PPP2R5C: variants seen among roughly 807,000 people sequenced by gnomAD.
PPP2R5C encodes the protein protein phosphatase 2 regulatory subunit B'gamma.
Under a neutral mutation model 68.9 loss-of-function variants are expected in PPP2R5C, and 7 were observed. That is an observed-to-expected ratio of 0.10 (90% confidence interval 0.06 to 0.19). PPP2R5C has a LOEUF of 0.19. PPP2R5C is among the 10% of genes least tolerant of loss of function. PPP2R5C has a pLI of 1.00. For synonymous variants in PPP2R5C, 210 were observed against 222.2 expected (o/e 0.95, Z 0.49); for missense variants, 348 against 641.3 (o/e 0.54, Z 4.94).
intron 10 of PPP2R5C, among the ~76,000 whole-genome samples, chr14:101,907,529 T>A (rs887341259): frequency 1.3e-5 from 2 of 152,156 alleles, no homozygotes; most frequent in African/African-American, 4.8e-5. Flanking sequence ...ACGACTGAGT[T>A]TTTCTTTCCC....
chr14:101,925,350 T>A, exon 14 of PPP2R5C: 1 of 1,560,236 alleles, frequency 6.4e-7, no homozygotes, highest in Admixed American at 2.0e-5. Flanking sequence ...TCCTGTGCCA[T>A]ACCAATCAGT....
intron 2 of PPP2R5C, among the ~76,000 whole-genome samples, chr14:101,862,126 G>C (rs1399551168): frequency 6.6e-6 from 1 of 152,082 alleles, no homozygotes; most frequent in African/African-American, 2.4e-5. Flanking sequence ...CTATTGGCCA[G>C]GCTGGTCTCG....
At chr14:101,760,691 G>T (rs946133759), upstream of PPP2R5C, 1 of 963,844 alleles carries the variant, frequency 1.0e-6, no homozygotes, top group Non-Finnish European at 1.2e-6. Flanking sequence ...TCGGATGGGC[G>T]GGACCTCGCG....
At chr14:101,786,269 T>C (rs2038084011) in intron 3 of PPP2R5C, 86 bp downstream of exon 3, 2 of 1,271,330 alleles carry the variant, frequency 1.6e-6, no homozygotes, top group Non-Finnish European at 2.1e-6. Flanking sequence ...TTTATTCCTT[T>C]GCTGTGTTTG....
intron 2 of PPP2R5C, among the ~76,000 whole-genome samples, chr14:101,864,970 G>A (rs1164536777): frequency 1.3e-5 from 2 of 152,172 alleles, no homozygotes; most frequent in African/African-American, 2.4e-5. Context: ...TGAGCCAAGC[G>A]GCTTTGATGG....
chr14:101,898,779 A>C (rs74675353), intron 8 of PPP2R5C, among the ~76,000 whole-genome samples: 2 of 152,230 alleles, frequency 1.3e-5, no homozygotes, highest in Non-Finnish European at 2.9e-5. Flanking sequence ...AATTTCCTAC[A>C]TGTTAAGAAC....
upstream of PPP2R5C, among the ~76,000 whole-genome samples, chr14:101,808,966 A>G (rs1246710972): frequency 1.3e-5 from 2 of 152,226 alleles, no homozygotes; most frequent in Non-Finnish European, 2.9e-5. Flanking sequence ...AGCTTTTTAC[A>G]TTAACTGTAT....
At chr14:101,823,982 T>C (rs2040244249) in intron 1 of PPP2R5C, 1 of 1,289,104 alleles carries the variant, frequency 7.8e-7, no homozygotes, top group African/African-American at 1.5e-5. Context: ...TGGATGAAAT[T>C]AACTTATCTG....
chr14:101,783,586 C>T (rs778008174), intron 2 of PPP2R5C, among the ~76,000 whole-genome samples: 12 of 151,978 alleles, frequency 7.9e-5, no homozygotes, highest in Admixed American at 2.6e-4. Context: ...GAACTGTGCC[C>T]GAGGGCTGAC....
At chr14:101,829,884 C>G (rs528095063) in intron 1 of PPP2R5C, among the ~76,000 whole-genome samples, 1 of 151,720 alleles carries the variant, frequency 6.6e-6, no homozygotes, top group African/African-American at 2.4e-5. Flanking sequence ...TTTCTTTTTT[C>G]GCAGTATTGA....
At chr14:101,903,947 T>C (rs949242899) in intron 9 of PPP2R5C, among the ~76,000 whole-genome samples, 1 of 152,154 alleles carries the variant, frequency 6.6e-6, no homozygotes, top group African/African-American at 2.4e-5. Flanking sequence ...GTGCTGAGAT[T>C]ACAGGCATAA....
In PPP2R5C at chr14:101,917,861, A is replaced by T; in HGVS notation, c.1357A>T (p.Ser453Cys). 1 of 1,613,754 alleles carries T rather than the reference A, an allele frequency of 6.2e-7. No homozygotes were observed. Among genetic ancestry groups the T allele is most frequent in the Non-Finnish European group, 8.5e-7 (1 of 1,179,748 alleles). The change falls in exon 13 of 14, where the codon AGC becomes TGC. Residue 453 changes from serine to cysteine, a missense_variant. Transcript: ENST00000334743. This position sits in a 1 kb window ranked among gnomAD's most constrained non-coding sequence, Gnocchi z 4.4. ...AGTGTATAGTCAAGCCAGCACCATGAGCATTCCGGTTGCAATGGAGACAGA... is the reference window on the plus strand; with the variant it reads ...AGTGTATAGTCAAGCCAGCACCATGTGCATTCCGGTTGCAATGGAGACAGA...
At chr14:101,774,149 C>G (rs1235909942) in intron 2 of PPP2R5C, among the ~76,000 whole-genome samples, 1 of 152,194 alleles carries the variant, frequency 6.6e-6, no homozygotes, top group Non-Finnish European at 1.5e-5. Context: ...TGAAGGGTTT[C>G]TTTGTTCACA....
At chr14:101,793,680 C>T (rs1345984108) in intron 3 of PPP2R5C, among the ~76,000 whole-genome samples, 7 of 152,208 alleles carry the variant, frequency 4.6e-5, no homozygotes, top group Non-Finnish European at 1.0e-4. Context: ...GTTAACAGCT[C>T]AGTGGAGGGT....
At chr14:101,805,775 A>G (rs541420863), upstream of PPP2R5C, among the ~76,000 whole-genome samples, 4 of 152,374 alleles carry the variant, frequency 2.6e-5, no homozygotes, top group South Asian at 2.1e-4. Context: ...TCTTGCGGAC[A>G]TTATGCTGAG....
intron 8 of PPP2R5C, among the ~76,000 whole-genome samples, chr14:101,895,358 A>G (rs1291675429): frequency 1.3e-5 from 2 of 152,196 alleles, no homozygotes; most frequent in Admixed American, 1.3e-4. Context: ...TAACCGCGTT[A>G]AATGTACAGT....
At chr14:101,869,157 G>C (rs113315448) in intron 2 of PPP2R5C, among the ~76,000 whole-genome samples, 1 of 152,024 alleles carries the variant, frequency 6.6e-6, no homozygotes, top group Admixed American at 6.6e-5. Context: ...ACATCATTTT[G>C]TCTTTTCCAG....
intron 1 of PPP2R5C, among the ~76,000 whole-genome samples, chr14:101,817,696 C>T (rs961276748): frequency 1.4e-5 from 2 of 144,608 alleles, no homozygotes; most frequent in African/African-American, 5.0e-5. Context: ...CCCCATCCCC[C>T]ACCCCGCCCA....
At chr14:101,907,823 G>T (rs781543200) in intron 10 of PPP2R5C, among the ~76,000 whole-genome samples, 1 of 152,170 alleles carries the variant, frequency 6.6e-6, no homozygotes, top group Non-Finnish European at 1.5e-5. Flanking sequence ...CTCCTTGTCC[G>T]CTCGAGGCTG....
Sources: gnomAD v4.1 joint callset for allele counts (sites outside exome capture counted in the v4.1 genomes callset) on GRCh38, gnomAD v4.1.1 for gene constraint, Gnocchi (gnomAD v3.1) non-coding constraint, MANE v1.5 for transcripts, NCBI Gene and HGNC (gene_info 2026-07-23, HGNC 2026-07-21) for gene names.